The following DAPK2 variants were observed in gnomAD, a reference collection of about 807,000 sequenced individuals.
DAPK2 encodes death associated protein kinase 2, also known as death-associated protein kinase 2.
A neutral mutation model predicts 44.1 loss-of-function variants in DAPK2; 35 were observed. The observed-to-expected ratio is 0.79, with a 90% CI of 0.61 to 1.05. The LOEUF is 1.05. DAPK2 is among the 50% of genes least tolerant of loss of function. DAPK2 has a pLI of 0.00. For synonymous variants in DAPK2, 174 were observed against 182.6 expected, an observed-to-expected ratio of 0.95 and a Z score of 0.38; for missense variants, 453 against 483.2, an observed-to-expected ratio of 0.94 and a Z score of 0.59.
chr15:64,020,793 G>A lies in DAPK2; in HGVS notation c.92+19377C>T, dbSNP rs1170640453. Among the ~76,000 whole-genome samples, 1 of 152,196 alleles carries A rather than the reference G, an allele frequency of 6.6e-6. No homozygotes were observed. The highest frequency in any genetic ancestry group is 2.4e-5 in the African/African-American group (1 of 41,454). ...GGAATAAATCAAAAGGGAAAGGATA[G>A]GTAACTTGGTGTGATACCAAATGCC... is the stretch of plus-strand genomic sequence containing the variant. On this transcript the variant is annotated intron_variant, in intron 1 of 10. Transcript: ENST00000261891. This position sits in a 1 kb window ranked among gnomAD's most constrained non-coding sequence, Gnocchi z 4.5.
intron 3 of DAPK2, among the ~76,000 whole-genome samples, chr15:63,946,627 G>A (rs1176645718): frequency 6.6e-6 from 1 of 152,204 alleles, no homozygotes; most frequent in Non-Finnish European, 1.5e-5. Flanking sequence ...TGTTGGGGCT[G>A]CAAGGGACCT....
chr15:63,986,794 G>A (rs912029053), intron 1 of DAPK2, among the ~76,000 whole-genome samples: 1 of 152,184 alleles, frequency 6.6e-6, no homozygotes, highest in Non-Finnish European at 1.5e-5. Flanking sequence ...CTGATCTCCT[G>A]GGTCTGGGCC....
At chr15:63,926,159 C>G in intron 6 of DAPK2, 66 bp from the exon 8 acceptor site, 1 of 1,536,654 alleles carries the variant, frequency 6.5e-7, no homozygotes. Context: ...ATTACGGACT[C>G]GGGGAACCCT....
In DAPK2 at chr15:63,912,003, A is replaced by C; in HGVS notation, c.949-12T>G. ...ATGCTGAAGGAAAGCTGAGGGAGGCAGAGGAAAGGAATCCCCAGGTGAGAA... is the reference window on the plus strand; with the variant it reads ...ATGCTGAAGGAAAGCTGAGGGAGGCCGAGGAAAGGAATCCCCAGGTGAGAA... On this transcript the variant is annotated splice_polypyrimidine_tract_variant and intron_variant, in intron 9 of 10. Transcript: ENST00000261891. The surrounding 1 kb of genome is among the most constrained non-coding windows in gnomAD (Gnocchi z 4.4). 1 of 1,613,200 alleles carries C rather than the reference A, an allele frequency of 6.2e-7. No homozygotes were observed. The highest frequency in any genetic ancestry group is 8.5e-7 in the Non-Finnish European group (1 of 1,179,638).
At chr15:64,030,813 T>G (rs1157877212) in intron 1 of DAPK2, among the ~76,000 whole-genome samples, 2 of 151,746 alleles carry the variant, frequency 1.3e-5, no homozygotes, top group Non-Finnish European at 2.9e-5. Flanking sequence ...TACAAAAAAT[T>G]TTAAAATTAT....
chr15:64,016,613 C>G (rs1157350875), intron 1 of DAPK2, among the ~76,000 whole-genome samples: 2 of 152,134 alleles, frequency 1.3e-5, no homozygotes, highest in African/African-American at 4.8e-5. Flanking sequence ...AGGCAAGTAG[C>G]AAGACCCTGT....
intron 1 of DAPK2, among the ~76,000 whole-genome samples, chr15:63,986,204 C>A (rs2078664312): frequency 6.6e-6 from 1 of 152,236 alleles, no homozygotes. Context: ...TCAGACAGGC[C>A]TGGCCTCAGA....
chr15:63,922,638 C>T (rs575670090), intron 8 of DAPK2: 2 of 1,440,648 alleles, frequency 1.4e-6, no homozygotes, highest in Non-Finnish European at 1.8e-6. Flanking sequence ...CAGACACACA[C>T]CCCTGCAGGA....
chr15:63,926,021 G>A (rs527863200), exon 7 of DAPK2: 14 of 1,614,136 alleles, frequency 8.7e-6, no homozygotes, highest in African/African-American at 4.0e-5. Context: ...CATCAAAGTC[G>A]TAACTCACTG....
chr15:63,911,557 A>G, intron 10 of DAPK2: 1 of 296,474 alleles, frequency 3.4e-6, no homozygotes. Context: ...AAAAGAATGT[A>G]AAGCTCCCAT....
chr15:64,026,034 G>A (rs973445309), intron 1 of DAPK2, among the ~76,000 whole-genome samples: 2 of 152,132 alleles, frequency 1.3e-5, no homozygotes, highest in African/African-American at 2.4e-5. Flanking sequence ...CAATGTAGGA[G>A]CCCTCGCAGG....
At chr15:63,986,185 G>A (rs1306457128) in intron 1 of DAPK2, among the ~76,000 whole-genome samples, 2 of 152,220 alleles carry the variant, frequency 1.3e-5, no homozygotes, top group African/African-American at 2.4e-5. Flanking sequence ...CAGCCCCCAG[G>A]CTTCAAGATC....
intron 2 of DAPK2, among the ~76,000 whole-genome samples, chr15:63,978,984 C>A (rs1394986468): frequency 1.3e-5 from 2 of 152,150 alleles, no homozygotes; most frequent in East Asian, 1.9e-4. Context: ...GCTGCTGGGC[C>A]CAGGAAGCTG....
chr15:63,978,587 A>G (rs1041759318), intron 2 of DAPK2, among the ~76,000 whole-genome samples: 1 of 152,116 alleles, frequency 6.6e-6, no homozygotes, highest in Non-Finnish European at 1.5e-5. Context: ...GAGGCTGATG[A>G]CCTGCCACTG....
chr15:63,954,381 C>T (rs536110051), intron 3 of DAPK2, among the ~76,000 whole-genome samples: 1 of 152,296 alleles, frequency 6.6e-6, no homozygotes, highest in African/African-American at 2.4e-5. Flanking sequence ...ATGTAGTTTT[C>T]TCAATACCAT....
Position 64,010,308 on chromosome 15 carries a change from C to T in DAPK2, c.93-26554G>A, listed in dbSNP as rs1158448768. On this transcript the variant is annotated intron_variant, in intron 1 of 10. Coordinates refer to ENST00000261891, the Ensembl canonical transcript of DAPK2. Reference sequence around the variant, plus strand: ...TGCCAGAAGGTTCAGTTTCTTCTATCTCTAAAGACGGCCTATAAATATCAT... The same window carrying T: ...TGCCAGAAGGTTCAGTTTCTTCTATTTCTAAAGACGGCCTATAAATATCAT... 3.9e-5 allele frequency among the ~76,000 whole-genome samples: 6 copies of T among 152,294 alleles called. No individual in the cohort carries two copies. In the East Asian group the frequency reaches 1.2e-3, roughly 29 times the overall value.
upstream of DAPK2, among the ~76,000 whole-genome samples, chr15:64,042,003 A>T (rs2080364603): frequency 6.6e-6 from 1 of 152,158 alleles, no homozygotes. This position sits in a 1 kb window ranked among gnomAD's most constrained non-coding sequence, Gnocchi z 4.7. Flanking sequence ...TGAAATAGTG[A>T]AAAGAGTAGG....
chr15:63,988,396 C>G (rs528544267), intron 1 of DAPK2, among the ~76,000 whole-genome samples: 2 of 152,160 alleles, frequency 1.3e-5, no homozygotes, highest in African/African-American at 4.8e-5. Context: ...TCCCCACCCC[C>G]CAAAGTCTTC....
chr15:63,971,188 C>A (rs1164646397), intron 3 of DAPK2, among the ~76,000 whole-genome samples: 1 of 152,120 alleles, frequency 6.6e-6, no homozygotes. Context: ...TGCCTGAAGT[C>A]TGATTTAAGC....
Sources: allele counts gnomAD v4.1 joint callset (sites outside exome capture counted in the v4.1 genomes callset), GRCh38; gene constraint gnomAD v4.1.1; non-coding constraint Gnocchi (gnomAD v3.1); transcripts MANE v1.5; gene names NCBI Gene and HGNC (gene_info 2026-07-23, HGNC 2026-07-21).